Variants in SF3B1 observed in about 807,000 individuals in gnomAD.
SF3B1 encodes splicing factor 3b subunit 1.
Under a neutral mutation model 153.8 loss-of-function variants are expected in SF3B1, and 12 were observed. The observed-to-expected ratio is 0.08, with a 90% CI of 0.05 to 0.13. The LOEUF (loss-of-function observed/expected upper bound fraction) is 0.13, where lower values mean the gene tolerates loss of function less well. SF3B1 is among the 10% of genes least tolerant of loss of function. The pLI, the probability that SF3B1 is intolerant of heterozygous loss-of-function variation, is 1.00. For synonymous variants in SF3B1, 498 were observed against 525.2 expected (o/e 0.95, Z 0.71); for missense variants, 513 against 1,606.1 (o/e 0.32, Z 11.63).
chr2:197,409,440 T>C (rs556395877), intron 7 of SF3B1, among the ~76,000 whole-genome samples: 16 of 151,606 alleles, frequency 1.1e-4, no homozygotes, highest in Non-Finnish European at 1.9e-4. Context: ...CATGCCCCTA[T>C]AGTCTCAGCT....
intron 1 of SF3B1, among the ~76,000 whole-genome samples, chr2:197,432,635 C>CA (rs2085457502): frequency 6.6e-6 from 1 of 152,088 alleles, no homozygotes; most frequent in Admixed American, 6.6e-5. Context: ...TTTGGGAGGC[C>CA]AAGGTGGGAG....
At chr2:197,419,342 T>G in intron 4 of SF3B1, 1 of 257,908 alleles carries the variant, frequency 3.9e-6, no homozygotes, top group Non-Finnish European at 7.5e-6. Context: ...AGTATTTGCT[T>G]TTCAAACTTC....
rs748180721 is a variant in SF3B1, at chr2:197,392,435, G to A, written c.3783C>T (p.Val1261=). 29 of 1,608,286 alleles carry A rather than the reference G, an allele frequency of 1.8e-5. No individual in the cohort carries two copies. The highest frequency in any genetic ancestry group is 2.3e-5 in the Non-Finnish European group (27 of 1,176,498). Residue 1261 remains valine (V), a synonymous_variant, in exon 25 of 25, where the codon GTC becomes GTT. Coordinates refer to ENST00000335508, the MANE Select transcript of SF3B1 (RefSeq NM_012433.4). The part of the protein sequence containing the change: ...LQGLFHPARK[V]RDVYWKIYNS... ...TGTAAATTTTCCAATATACATCTCT[G>A]ACTTTCCGGGCTGGGTGAAACAGAC...
chr2:197,415,931 C>G (rs2085141399), intron 6 of SF3B1, among the ~76,000 whole-genome samples: 1 of 151,894 alleles, frequency 6.6e-6, no homozygotes, highest in South Asian at 2.1e-4. Flanking sequence ...CCCACCACCC[C>G]CCATACCCCA....
upstream of SF3B1, chr2:197,435,040 G>A (rs1037998855): frequency 1.9e-6 from 3 of 1,614,146 alleles, no homozygotes; most frequent in Non-Finnish European, 1.7e-6. Context: ...GCGCTCCCAA[G>A]AACTTCCGCT....
At chr2:197,420,348 G>A in intron 4 of SF3B1, 80 bp downstream of exon 4, 1 of 1,052,854 alleles carries the variant, frequency 9.5e-7, no homozygotes, top group Non-Finnish European at 1.5e-6. Flanking sequence ...TCAGAAGCAT[G>A]CCAAAAAAAA....
In SF3B1 at chr2:197,392,383, C is replaced by T. The variant is rs747843981; in HGVS notation, c.3835G>A (p.Ala1279Thr). ...YNSIYIGSQD[A>T]LIAHYPRIYN... ...ATTCTTGGGTAATGTGCTATGAGAGCGTCCTGGGAACCAATGTAGATGGAG... is the reference window on the plus strand; with the variant it reads ...ATTCTTGGGTAATGTGCTATGAGAGTGTCCTGGGAACCAATGTAGATGGAG... Residue 1279 changes from alanine to threonine, a missense_variant, in exon 25 of 25, where the codon GCT (alanine) becomes ACT (threonine). Ala to Thr is a moderately conservative substitution (Grantham distance 58). This residue lies in a region of SF3B1 where 33 missense variants were observed against 43.5 expected (regional missense o/e 0.76). Transcript: ENST00000335508. The T allele has an allele frequency of 1.9e-6, 3 of 1,610,146 alleles. No individual in the cohort carries two copies. Among genetic ancestry groups the T allele is most frequent in the Non-Finnish European group, 2.5e-6 (3 of 1,176,672 alleles).
intron 6 of SF3B1, among the ~76,000 whole-genome samples, chr2:197,412,508 A>G (rs1180282050): frequency 2.6e-5 from 4 of 151,202 alleles, no homozygotes; most frequent in Admixed American, 6.6e-5. Flanking sequence ...GGTGCCTGCC[A>G]CCACACCTGG....
intron 1 of SF3B1, among the ~76,000 whole-genome samples, chr2:197,431,819 T>A (rs1307421568): frequency 6.6e-6 from 1 of 152,110 alleles, no homozygotes; most frequent in African/African-American, 2.4e-5. Context: ...TCCTAAATGA[T>A]TAATTCTATT....
intron 22 of SF3B1, among the ~76,000 whole-genome samples, chr2:197,397,008 T>C (rs1195039566): frequency 6.6e-6 from 1 of 152,228 alleles, no homozygotes; most frequent in South Asian, 2.1e-4. Context: ...TCATATTCCT[T>C]GAAAACATTT....
At chr2:197,422,322 C>T (rs1360667539) in intron 2 of SF3B1, among the ~76,000 whole-genome samples, 9 of 151,488 alleles carry the variant, frequency 5.9e-5, no homozygotes, top group Non-Finnish European at 8.8e-5. Context: ...CAGTTGGCAC[C>T]GCATGTTCTC....
In SF3B1 at chr2:197,399,139, A is replaced by G. The variant is rs571282776; in HGVS notation, c.3014-558T>C. 1.9e-5 allele frequency: 23 copies of G among 1,228,446 alleles called. No homozygotes were observed. The East Asian group carries it at 1.3e-3, about 71-fold the overall frequency. 76.1% of individuals were successfully genotyped at this position (1,228,446 alleles called of 1,614,324 possible). A position where few individuals can be genotyped will look rare whatever the true frequency, so the allele number is the denominator to read the frequency against. ...CCATTGCTCTTCCCATGCCTCTCTG[A>G]CAAACAATATGGTTTAAAACTCCCT... is the stretch of plus-strand genomic sequence containing the variant. On this transcript the variant is annotated intron_variant, in intron 20 of 24. Transcript: ENST00000335508.
chr2:197,408,676 C>A, intron 7 of SF3B1, 95 bp from the exon 8 acceptor site: 1 of 866,964 alleles, frequency 1.2e-6, no homozygotes, highest in South Asian at 1.6e-5. Context: ...CTATCAAGTT[C>A]TAAAATAGAA....
rs542810619 is a variant in SF3B1, at chr2:197,416,910, C to T, written c.497G>A (p.Arg166Gln). The T allele has an allele frequency of 6.2e-6, 10 of 1,606,344 alleles. No individual in the cohort carries two copies. Among genetic ancestry groups the T allele is most frequent in the Admixed American group, 1.7e-5 (1 of 57,990 alleles). The change falls in exon 6 of 25, where the codon CGA becomes CAA. Residue 166 changes from arginine (R) to glutamine (Q), a missense_variant and splice_region_variant. Arg to Gln is a conservative substitution (Grantham distance 43). Coordinates refer to ENST00000335508, the MANE Select transcript of SF3B1 (RefSeq NM_012433.4). ...MREQHLTKEE[R>Q]EIRQQLAEKA... Reference sequence around the variant, plus strand: ...TTCTGCTAGCTGTTGCCTAATTTCTCGCTGAAAAAAACAGTGAGTATTTAC... The same window carrying T: ...TTCTGCTAGCTGTTGCCTAATTTCTTGCTGAAAAAAACAGTGAGTATTTAC...
At chr2:197,422,673 G>A (rs959653835) in intron 2 of SF3B1, among the ~76,000 whole-genome samples, 4 of 150,930 alleles carry the variant, frequency 2.7e-5, no homozygotes, top group Non-Finnish European at 1.5e-5. Context: ...GGTGGATCAC[G>A]AGCTCAGGAG....
At chr2:197,403,834 A>G in intron 11 of SF3B1, 70 bp from the exon 12 acceptor site, 1 of 1,155,512 alleles carries the variant, frequency 8.7e-7, no homozygotes, top group Non-Finnish European at 1.2e-6. Context: ...CAAATTACTC[A>G]AAGAAGATTT....
chr2:197,413,584 G>A (rs999909762), intron 6 of SF3B1, among the ~76,000 whole-genome samples: 5 of 152,106 alleles, frequency 3.3e-5, no homozygotes, highest in African/African-American at 9.7e-5. Flanking sequence ...TGCATGATCT[G>A]ATAGGTTTTT....
chr2:197,431,173 C>G (rs375798455), intron 1 of SF3B1, among the ~76,000 whole-genome samples: 1 of 128,978 alleles, frequency 7.8e-6, no homozygotes, highest in Admixed American at 9.7e-5. Flanking sequence ...AGTGCAGTGG[C>G]GTGGCGTGAT....
Position 197,402,181 on chromosome 2 carries a change from C to T in SF3B1, c.2078-51G>A. Reference sequence around the variant, plus strand: ...CTATGCCCCAACATTACCTAAGTTACACAATATCATCCAGATTCTCTCAAT... The same window carrying T: ...CTATGCCCCAACATTACCTAAGTTATACAATATCATCCAGATTCTCTCAAT... On this transcript the variant is annotated intron_variant, in intron 14 of 24. Coordinates refer to ENST00000335508, the MANE Select transcript of SF3B1 (RefSeq NM_012433.4). This position sits in a 1 kb window ranked among gnomAD's most constrained non-coding sequence, Gnocchi z 4.6. The T allele has an allele frequency of 6.4e-7, 1 of 1,554,312 alleles. No individual in the cohort carries two copies. Among genetic ancestry groups the T allele is most frequent in the Non-Finnish European group, 8.7e-7 (1 of 1,148,626 alleles).
Sources: allele counts gnomAD v4.1 joint callset (sites outside exome capture counted in the v4.1 genomes callset), GRCh38; gene constraint gnomAD v4.1.1; regional missense constraint gnomAD v4.1.1; non-coding constraint Gnocchi (gnomAD v3.1); transcripts MANE v1.5; gene names NCBI Gene and HGNC (gene_info 2026-07-23, HGNC 2026-07-21).